WNK1: variants seen among roughly 807,000 people sequenced by gnomAD.
WNK1 encodes serine/threonine-protein kinase WNK1.
In WNK1, 38 loss-of-function variants were observed where a neutral mutation model predicts 222.8. That is an observed-to-expected ratio of 0.17 (90% CI 0.13 to 0.22). WNK1 has a LOEUF of 0.22. WNK1 is among the 10% of genes least tolerant of loss of function. The pLI is 1.00. For missense variants in WNK1, 2,348 were observed against 2,918.4 expected, an observed-to-expected ratio of 0.80 and a Z score of 4.50; for synonymous variants, 1,090 against 1,092.9, an observed-to-expected ratio of 1.00 and a Z score of 0.05.
chr12:838,078 A>T (rs1045218696), intron 4 of WNK1, among the ~76,000 whole-genome samples: 25 of 148,888 alleles, frequency 1.7e-4, no homozygotes, highest in African/African-American at 5.2e-4. Context: ...GTAATATTCC[A>T]GTGTGTGTGT....
At chr12:791,215 A>G (rs1394515474) in intron 1 of WNK1, among the ~76,000 whole-genome samples, 2 of 145,716 alleles carry the variant, frequency 1.4e-5, no homozygotes, top group East Asian at 1.9e-4. Context: ...GAATTTTACT[A>G]TTTCTCTCAC....
chr12:876,979 A>T (rs1952676119), intron 9 of WNK1, among the ~76,000 whole-genome samples: 1 of 151,874 alleles, frequency 6.6e-6, no homozygotes, highest in Non-Finnish European at 1.5e-5. Context: ...AATTTTTATT[A>T]CAAGCAGATG....
rs559881840 is a variant in WNK1 at position 816,506 on chromosome 12, C to T, written c.932+2692C>T. The stretch of plus-strand genomic sequence containing the variant: ...TGTTGCCCAGGCTGCTCTCAAACTC[C>T]TGAGCTCATCCTGATTTGGCCTCAT... On this transcript the variant is annotated intron_variant, in intron 2 of 27. Transcript: ENST00000315939. Among the ~76,000 whole-genome samples the T allele has an allele frequency of 3.9e-5, 6 of 152,032 alleles. No individual in the cohort carries two copies. In the East Asian group the frequency reaches 1.2e-3, roughly 29 times the overall value.
chr12:857,734 G>A (rs1950894941), intron 5 of WNK1, among the ~76,000 whole-genome samples: 1 of 152,176 alleles, frequency 6.6e-6, no homozygotes, highest in Non-Finnish European at 1.5e-5. Flanking sequence ...CTTGGCCCAG[G>A]GGTTGGAAGG....
rs554481784 is a variant in WNK1, at chr12:831,263, C to T, written c.1311+1103C>T. 3.8e-4 allele frequency among the ~76,000 whole-genome samples: 58 copies of T among 152,118 alleles called. No homozygotes were observed. The South Asian group carries it at 0.011, about 29-fold the overall frequency. On this transcript the variant is annotated intron_variant, in intron 4 of 27. Coordinates refer to ENST00000315939, the MANE Select transcript of WNK1 (RefSeq NM_018979.4). Reference sequence around the variant, plus strand: ...AAAAGAATTCATTTGTAGGGCCGGGCGTGGTGGCTTATGCCTGTAATCTCA... The same window carrying T: ...AAAAGAATTCATTTGTAGGGCCGGGTGTGGTGGCTTATGCCTGTAATCTCA...
In WNK1 at chr12:859,338, A is replaced by G; in HGVS notation, c.1494A>G (p.Ile498Met). ...CAGAAGAAGATGATGGAGAAAAAAT[A>G]GCCATAAAATTATGGCTACGTATTG... The part of the protein sequence containing the change: ...ELAEEDDGEK[I>M]AIKLWLRIED... The change falls in exon 6 of 28, where the codon ATA becomes ATG. Residue 498 changes from isoleucine to methionine, a missense_variant. Coordinates refer to ENST00000315939, the MANE Select transcript of WNK1 (RefSeq NM_018979.4). 1 of 1,613,488 alleles carries G rather than the reference A, an allele frequency of 6.2e-7. No individual in the cohort carries two copies. The highest frequency in any genetic ancestry group is 8.5e-7 in the Non-Finnish European group (1 of 1,179,486).
chr12:846,686 C>G (rs1054618275), intron 4 of WNK1, among the ~76,000 whole-genome samples: 1 of 152,106 alleles, frequency 6.6e-6, no homozygotes, highest in African/African-American at 2.4e-5. Context: ...TTGACTTTGT[C>G]ACTGATTCCA....
chr12:876,180 T>C (rs1377966275), intron 9 of WNK1, among the ~76,000 whole-genome samples: 1 of 151,998 alleles, frequency 6.6e-6, no homozygotes, highest in Non-Finnish European at 1.5e-5. Context: ...GAGGCCGAGG[T>C]GCACGGATCA....
chr12:783,628 T>C (rs1285303562), intron 1 of WNK1, among the ~76,000 whole-genome samples: 2 of 105,932 alleles, frequency 1.9e-5, no homozygotes, highest in African/African-American at 3.8e-5. Flanking sequence ...AGATGCTGTC[T>C]CCACCAAAAA....
At chr12:864,379 A>T (rs182127514) in intron 8 of WNK1, among the ~76,000 whole-genome samples, 49 of 152,182 alleles carry the variant, frequency 3.2e-4, no homozygotes, top group Middle Eastern at 3.4e-3. Flanking sequence ...CCAAAGTGCC[A>T]GGATTACAGG....
intron 22 of WNK1, among the ~76,000 whole-genome samples, chr12:894,299 T>C (rs912769926): frequency 1.3e-5 from 2 of 152,226 alleles, no homozygotes; most frequent in African/African-American, 4.8e-5. Flanking sequence ...AATTAAAGAA[T>C]GAGTAATTGA....
chr12:897,413 C>T lies in WNK1; in HGVS notation c.6246-66C>T. The T allele has an allele frequency of 6.8e-6, 7 of 1,024,576 alleles. No homozygotes were observed. In the South Asian group the frequency reaches 7.6e-5, roughly 11 times the overall value. 63.5% of individuals were successfully genotyped at this position (1,024,576 alleles called of 1,614,324 possible). A position where few individuals can be genotyped will look rare whatever the true frequency, so the allele number is the denominator to read the frequency against. On this transcript the variant is annotated intron_variant, in intron 24 of 27. Transcript: ENST00000315939. The stretch of plus-strand genomic sequence containing the variant: ...ACTTGAAAGCAGGTTTAGGAATATG[C>T]TGTTAATTCTTGTCTGAATGAAGAG...
At chr12:807,589 C>T (rs1045582159) in intron 1 of WNK1, among the ~76,000 whole-genome samples, 4 of 151,966 alleles carry the variant, frequency 2.6e-5, no homozygotes, top group Admixed American at 2.6e-4. Flanking sequence ...TTGTTGGTTT[C>T]CCCTTTGGCA....
chr12:889,486 G>A (rs780223706), intron 21 of WNK1, among the ~76,000 whole-genome samples: 1 of 152,122 alleles, frequency 6.6e-6, no homozygotes. Flanking sequence ...TATGGATTTC[G>A]TATTTTTGTT....
At chr12:893,009 CT>C (rs1954400467) in intron 22 of WNK1, among the ~76,000 whole-genome samples, 1 of 152,244 alleles carries the variant, frequency 6.6e-6, no homozygotes, top group Admixed American at 6.5e-5. Context: ...AATCCCAGCA[CT>C]TTGGGAGGCC....
At chr12:776,412 T>TG (rs1555082817) in intron 1 of WNK1, among the ~76,000 whole-genome samples, 24 of 146,230 alleles carry the variant, frequency 1.6e-4, no homozygotes, top group Admixed American at 3.4e-4. Flanking sequence ...GTTTGTGTGT[T>TG]TGTGTGTGTG....
intron 21 of WNK1, among the ~76,000 whole-genome samples, chr12:889,744 AG>A (rs1954029810): frequency 6.6e-6 from 1 of 152,094 alleles, no homozygotes; most frequent in Admixed American, 6.5e-5. Flanking sequence ...CGTAAAACCC[AG>A]GAGGCAGAGC....
In WNK1 at chr12:789,534, CT is replaced by C. The variant is rs34511181; in HGVS notation, c.760-24088del. Among the ~76,000 whole-genome samples the C allele has an allele frequency of 8.0e-3, 938 of 117,738 alleles. 6 individuals are homozygous for C. Among genetic ancestry groups the C allele is most frequent in the South Asian group, 0.066 (232 of 3,520 alleles). The allele number at this position is 117,738 out of a possible 152,430, so 77.2% of individuals were successfully genotyped here. A position where few individuals can be genotyped will look rare whatever the true frequency, so the allele number is the denominator to read the frequency against. On this transcript the variant is annotated intron_variant, in intron 1 of 27. Coordinates refer to ENST00000315939, the MANE Select transcript of WNK1 (RefSeq NM_018979.4). ...TAGTAGAAACTGTGTGGTTATACTC[CT>C]TTTTTTTTTTTTTTTTTTTGAGACA...
chr12:868,187 A>G lies in WNK1; in HGVS notation c.2140-3078A>G, dbSNP rs867166319. 3.1e-6 allele frequency: 5 copies of G among 1,613,780 alleles called. No individual in the cohort carries two copies. In the African/African-American group the frequency reaches 5.3e-5, roughly 17 times the overall value. On this transcript the variant is annotated intron_variant, in intron 8 of 27. Coordinates refer to ENST00000315939, the MANE Select transcript of WNK1 (RefSeq NM_018979.4). ...GTCATGTGAGATACAGGTCCATCCTATGTTTGAACCATCTCAAGTTTACAG... is the reference window on the plus strand; with the variant it reads ...GTCATGTGAGATACAGGTCCATCCTGTGTTTGAACCATCTCAAGTTTACAG...
Sources: allele counts gnomAD v4.1 joint callset (sites outside exome capture counted in the v4.1 genomes callset), GRCh38; gene constraint gnomAD v4.1.1; transcripts MANE v1.5; gene names NCBI Gene and HGNC (gene_info 2026-07-23, HGNC 2026-07-21).